SGCG: variants seen among roughly 807,000 people sequenced by gnomAD.
SGCG encodes the protein gamma-sarcoglycan.
SGCG carries 26 observed loss-of-function variants against 29.3 expected under a neutral mutation model. The ratio of observed to expected loss-of-function variants is 0.89; its 90% confidence interval spans 0.65 to 1.23. The LOEUF is 1.23. Ranked by LOEUF, SGCG falls within the 50% of genes most tolerant of loss-of-function variation. The pLI, the probability that SGCG is intolerant of heterozygous loss-of-function variation, is 0.00. For missense variants in SGCG, 353 were observed against 356.0 expected, an observed-to-expected ratio of 0.99 and a Z score of 0.07; for synonymous variants, 145 against 129.7, an observed-to-expected ratio of 1.12 and a Z score of -0.80.
At chr13:23,319,538 A>G (rs905793537) in intron 6 of SGCG, among the ~76,000 whole-genome samples, 3 of 152,216 alleles carry the variant, frequency 2.0e-5, no homozygotes, top group Non-Finnish European at 4.4e-5. Context: ...TGCCAATTCA[A>G]GGGAGCAATT....
At chr13:23,169,669 C>T in the SGCG span, among the ~76,000 whole-genome samples, 1 of 95,368 alleles carries the variant, frequency 1.0e-5, no homozygotes, top group Admixed American at 1.0e-4. Flanking sequence ...CAGAGAGAGA[C>T]TCCATCTCTC....
chr13:23,297,765 G>A (rs903223523), intron 6 of SGCG, among the ~76,000 whole-genome samples: 14 of 152,060 alleles, frequency 9.2e-5, no homozygotes, highest in African/African-American at 3.4e-4. Flanking sequence ...ATTTTGGGGG[G>A]CCTGTTCCCA....
intron 5 of SGCG, among the ~76,000 whole-genome samples, chr13:23,281,471 C>T (rs944484685): frequency 6.6e-6 from 1 of 152,114 alleles, no homozygotes; most frequent in Non-Finnish European, 1.5e-5. Flanking sequence ...TCCCCAGTTG[C>T]TGCTGATGCC....
At chr13:23,311,897 G>A (rs1308187555) in intron 6 of SGCG, among the ~76,000 whole-genome samples, 1 of 151,682 alleles carries the variant, frequency 6.6e-6, no homozygotes, top group Non-Finnish European at 1.5e-5. Context: ...ACTTAGGTCA[G>A]CTGACAACTC....
chr13:23,219,893 T>C (rs1164930140), intron 2 of SGCG, among the ~76,000 whole-genome samples: 8 of 143,760 alleles, frequency 5.6e-5, no homozygotes, highest in Admixed American at 5.4e-4. Flanking sequence ...TGGAGTGCAG[T>C]GGCGCCATCT....
chr13:23,255,970 A>T (rs958074467), intron 4 of SGCG, among the ~76,000 whole-genome samples: 1 of 152,184 alleles, frequency 6.6e-6, no homozygotes, highest in African/African-American at 2.4e-5. Context: ...CCAGCATGTC[A>T]CTACTACAAC....
At chr13:23,261,940 T>C (rs1055505152) in intron 4 of SGCG, among the ~76,000 whole-genome samples, 6 of 152,112 alleles carry the variant, frequency 3.9e-5, no homozygotes, top group Non-Finnish European at 5.9e-5. Context: ...ATAAAGTCTT[T>C]ATCAGACAAG....
At chr13:23,246,244 T>A (rs1010217861) in intron 3 of SGCG, 3 of 152,328 alleles carry the variant, frequency 2.0e-5, no homozygotes, top group Admixed American at 1.3e-4. Context: ...CTTATTTCAC[T>A]ACTCCAGAAA....
chr13:23,293,225 T>C (rs1442263453), intron 5 of SGCG, among the ~76,000 whole-genome samples: 1 of 152,224 alleles, frequency 6.6e-6, no homozygotes, highest in Non-Finnish European at 1.5e-5. Context: ...TATCTGAGTA[T>C]AATTTACATA....
At chr13:23,210,686 G>A (rs888389528) in intron 2 of SGCG, among the ~76,000 whole-genome samples, 2 of 152,072 alleles carry the variant, frequency 1.3e-5, no homozygotes, top group Admixed American at 6.6e-5. Flanking sequence ...GCAAGACCCC[G>A]TCTCAAAAAA....
intron 2 of SGCG, among the ~76,000 whole-genome samples, chr13:23,214,358 G>C (rs574325842): frequency 6.6e-6 from 1 of 152,298 alleles, no homozygotes; most frequent in East Asian, 1.9e-4. Context: ...TCAGTCATTG[G>C]CTTTCTGTGC....
chr13:23,169,952 G>A, the SGCG span: 1 of 152,280 alleles, frequency 6.6e-6, no homozygotes, highest in Non-Finnish European at 1.5e-5. Flanking sequence ...TCTGTCCTCA[G>A]CCCTGTTCTC....
At chr13:23,196,325 A>G (rs1333877954) in intron 1 of SGCG, among the ~76,000 whole-genome samples, 1 of 152,050 alleles carries the variant, frequency 6.6e-6, no homozygotes, top group Non-Finnish European at 1.5e-5. Context: ...TAGAATTGGA[A>G]TTACTATTGT....
intron 3 of SGCG, among the ~76,000 whole-genome samples, chr13:23,239,099 A>C (rs1879413363): frequency 1.3e-5 from 2 of 152,272 alleles, no homozygotes; most frequent in African/African-American, 2.4e-5. Context: ...AAAATCTTTA[A>C]GCCTACAGAT....
intron 2 of SGCG, among the ~76,000 whole-genome samples, chr13:23,214,248 A>AT (rs756816137): frequency 2.2e-4 from 34 of 152,248 alleles, no homozygotes; most frequent in Admixed American, 3.9e-4. Context: ...CTTCCCTGCT[A>AT]TAAAAACCCC....
At chr13:23,293,835 A>C (rs1881807686) in intron 5 of SGCG, among the ~76,000 whole-genome samples, 1 of 125,772 alleles carries the variant, frequency 8.0e-6, no homozygotes, top group Non-Finnish European at 1.8e-5. Flanking sequence ...CGTCTTAAAA[A>C]AAAAAAAAAA....
intron 5 of SGCG, among the ~76,000 whole-genome samples, chr13:23,285,552 G>A (rs1041732771): frequency 2.0e-5 from 3 of 152,212 alleles, no homozygotes; most frequent in Non-Finnish European, 4.4e-5. Context: ...GGCTCCATGG[G>A]GATGGGATCC....
At chr13:23,237,008 G>A (rs1879340574) in intron 3 of SGCG, among the ~76,000 whole-genome samples, 1 of 152,090 alleles carries the variant, frequency 6.6e-6, no homozygotes, top group South Asian at 2.1e-4. Flanking sequence ...ATGAGTCTAG[G>A]AAGCAATTTT....
chr13:23,282,353 G>A (rs1405147206), intron 5 of SGCG, among the ~76,000 whole-genome samples: 2 of 152,154 alleles, frequency 1.3e-5, no homozygotes, highest in Non-Finnish European at 2.9e-5. Context: ...TTTACTTTAA[G>A]TTCAGGGGTA....
Sources: gnomAD v4.1 joint callset for allele counts (sites outside exome capture counted in the v4.1 genomes callset) on GRCh38, gnomAD v4.1.1 for gene constraint, MANE v1.5 for transcripts, NCBI Gene and HGNC (gene_info 2026-07-23, HGNC 2026-07-21) for gene names.